Variants in SMCO4 observed in about 807,000 individuals in gnomAD.
SMCO4 encodes the protein single-pass membrane protein with coiled-coil domains 4.
A neutral mutation model predicts 3.6 loss-of-function variants in SMCO4; 4 were observed. The observed-to-expected ratio is 1.11, with a 90% CI of 0.54 to 2.53. SMCO4 has a LOEUF of 2.53. SMCO4 is among the 30% of genes most tolerant of loss of function. The pLI is 0.02. For synonymous variants in SMCO4, 36 were observed against 35.3 expected (o/e 1.02, Z -0.07); for missense variants, 70 against 80.8 (o/e 0.87, Z 0.51).
chr11:93,504,181 A>T (rs1281226814), intron 1 of SMCO4, among the ~76,000 whole-genome samples: 1 of 152,222 alleles, frequency 6.6e-6, no homozygotes. Flanking sequence ...AACTTAATCA[A>T]AGAAGATTAG....
chr11:93,526,612 G>A (rs2198797), intron 1 of SMCO4, among the ~76,000 whole-genome samples: 39,289 of 151,946 alleles, frequency 0.26, 5,321 homozygotes, highest in Non-Finnish European at 0.29. Context: ...CTTCACATCC[G>A]CATCCATCCT....
At chr11:93,488,981 T>C (rs570373330) in intron 2 of SMCO4, among the ~76,000 whole-genome samples, 1 of 152,138 alleles carries the variant, frequency 6.6e-6, no homozygotes, top group Non-Finnish European at 1.5e-5. Flanking sequence ...TCTGGCCACA[T>C]GCAGGTCCTC....
intron 1 of SMCO4, among the ~76,000 whole-genome samples, chr11:93,503,161 T>C (rs1948860905): frequency 6.6e-6 from 1 of 152,162 alleles, no homozygotes; most frequent in African/African-American, 2.4e-5. Flanking sequence ...GATAAAGACA[T>C]ACCTGAGACT....
intron 1 of SMCO4, among the ~76,000 whole-genome samples, chr11:93,519,152 T>C (rs1290862337): frequency 6.6e-6 from 1 of 152,170 alleles, no homozygotes; most frequent in African/African-American, 2.4e-5. Context: ...TATGCCCTTG[T>C]CCTGCATCTG....
At chr11:93,502,247 ACAG>A (rs1688112850) in intron 1 of SMCO4, among the ~76,000 whole-genome samples, 1 of 152,206 alleles carries the variant, frequency 6.6e-6, no homozygotes, top group African/African-American at 2.4e-5. Context: ...ACATTTGAGA[ACAG>A]AAGCAAAACT....
chr11:93,504,953 G>C (rs991841845), intron 1 of SMCO4, among the ~76,000 whole-genome samples: 2 of 152,066 alleles, frequency 1.3e-5, no homozygotes, highest in Non-Finnish European at 2.9e-5. Context: ...CACAGTGTAG[G>C]GTTTGTCTTT....
In SMCO4 at chr11:93,486,723, C is replaced by T. The variant is rs990047470; in HGVS notation, c.-80-7454G>A. On this transcript the variant is annotated intron_variant, in intron 2 of 2. Coordinates refer to ENST00000298966, the MANE Select transcript of SMCO4 (RefSeq NM_020179.3). ...TTGAAGGGGTGCCTGCCGAGAAGAG[C>T]TTGACCAGACCTGGAGTCCATGCTA... 9.2e-5 allele frequency among the ~76,000 whole-genome samples: 14 copies of T among 152,312 alleles called. 2 individuals are homozygous for T. The South Asian group carries it at 2.3e-3, about 25-fold the overall frequency.
rs928542076 is a variant in SMCO4 at position 93,481,349 on chromosome 11, T to C, written c.-80-2080A>G. On this transcript the variant is annotated intron_variant, in intron 2 of 2. Coordinates refer to ENST00000298966, the MANE Select transcript of SMCO4 (RefSeq NM_020179.3). ...GACGCGGTACAGGTGGGCTGAGACA[T>C]CTCCACCCATACCCGTGGGCGGCCC... 7 of 804,840 alleles carry C rather than the reference T, an allele frequency of 8.7e-6. No individual in the cohort carries two copies. In the African/African-American group the frequency reaches 1.3e-4, roughly 15 times the overall value. The allele number at this position is 804,840 out of a possible 1,614,324, so 49.9% of individuals were successfully genotyped here.
chr11:93,531,168 C>T (rs781263945), intron 1 of SMCO4, among the ~76,000 whole-genome samples: 2 of 152,206 alleles, frequency 1.3e-5, no homozygotes, highest in Non-Finnish European at 2.9e-5. Flanking sequence ...TCTGGGTGGA[C>T]TTCATCTAAT....
At chr11:93,534,237 CACACACACACACACACACACACACAA>C (rs1565389915) in intron 1 of SMCO4, among the ~76,000 whole-genome samples, 6 of 8,188 alleles carry the variant, frequency 7.3e-4, no homozygotes, top group Non-Finnish European at 1.6e-3. Context: ...CACACACACA[CACACACACACACACACACACACACAA>C]ACACATATAT....
chr11:93,492,240 T>C (rs1009763428), intron 2 of SMCO4, among the ~76,000 whole-genome samples: 1 of 152,210 alleles, frequency 6.6e-6, no homozygotes, highest in African/African-American at 2.4e-5. Context: ...ATTCATTTAC[T>C]CACTCACCAA....
rs1423638114 is a variant in SMCO4 at position 93,500,695 on chromosome 11, T to C, written c.-153-1347A>G. Reference sequence around the variant, plus strand: ...CTAGTCCCCATTCTCTAAGAGATAATTGCCATTCTGAAAATATGGAAAGTT... The same window carrying C: ...CTAGTCCCCATTCTCTAAGAGATAACTGCCATTCTGAAAATATGGAAAGTT... On this transcript the variant is annotated intron_variant, in intron 1 of 2. Coordinates refer to ENST00000298966, the MANE Select transcript of SMCO4 (RefSeq NM_020179.3). Among the ~76,000 whole-genome samples the C allele has an allele frequency of 2.0e-5, 3 of 152,214 alleles. No homozygotes were observed. The East Asian group carries it at 5.8e-4, about 29-fold the overall frequency.
intron 1 of SMCO4, among the ~76,000 whole-genome samples, chr11:93,540,700 T>A (rs919716116): frequency 6.6e-6 from 1 of 152,186 alleles, no homozygotes; most frequent in African/African-American, 2.4e-5. Flanking sequence ...TGATGCTCAC[T>A]CCTACCTCAC....
At chr11:93,483,639 G>A (rs1026327123) in intron 2 of SMCO4, among the ~76,000 whole-genome samples, 9 of 152,278 alleles carry the variant, frequency 5.9e-5, no homozygotes, top group South Asian at 2.1e-4. Flanking sequence ...GTACTCCGAC[G>A]TGTCTCTGTA....
chr11:93,497,384 C>A (rs1010291042), intron 2 of SMCO4, among the ~76,000 whole-genome samples: 1 of 152,206 alleles, frequency 6.6e-6, no homozygotes, highest in African/African-American at 2.4e-5. Context: ...CAGAGTAAGA[C>A]AATGCAGCAT....
At position 93,514,413 on chromosome 11, in the gene SMCO4, T is replaced by TATATATATATACATACAC. The variant is rs781423008; in HGVS notation, c.-153-15066_-153-15065insGTGTATGTATATATATAT. Among the ~76,000 whole-genome samples, 12 of 33,950 alleles carry TATATATATATACATACAC rather than the reference T, an allele frequency of 3.5e-4. 2 individuals carry two copies. The highest frequency in any genetic ancestry group is 7.1e-4 in the Non-Finnish European group (10 of 14,062). 22.3% of individuals were successfully genotyped at this position (33,950 alleles called of 152,430 possible). On this transcript the variant is annotated intron_variant, in intron 1 of 2. Transcript: ENST00000298966. ...ATATATATATATATATATATATATA[T>TATATATATATACATACAC]ATATATATAAAATTTGGTCTCTTCC...
intron 1 of SMCO4, among the ~76,000 whole-genome samples, chr11:93,512,584 T>C (rs1341151994): frequency 6.6e-6 from 1 of 152,240 alleles, no homozygotes; most frequent in Non-Finnish European, 1.5e-5. Context: ...ACACAAATGC[T>C]TACCATTGTG....
chr11:93,524,536 G>C (rs1304369947), intron 1 of SMCO4, among the ~76,000 whole-genome samples: 1 of 152,068 alleles, frequency 6.6e-6, no homozygotes, highest in Admixed American at 6.5e-5. Context: ...GGGAGCACTG[G>C]ACAAGACTTT....
In SMCO4 at chr11:93,486,580, A is replaced by G. The variant is rs192958785; in HGVS notation, c.-80-7311T>C. ...TAAAAGATGCACCACATCCCGCTTG[A>G]GTTTTCAGTGTGGGCCAGGCTGCTC... On this transcript the variant is annotated intron_variant, in intron 2 of 2. Coordinates refer to ENST00000298966, the MANE Select transcript of SMCO4 (RefSeq NM_020179.3). Among the ~76,000 whole-genome samples, 412 of 152,234 alleles carry G rather than the reference A, an allele frequency of 2.7e-3. 4 individuals carry two copies. Among genetic ancestry groups the G allele is most frequent in the African/African-American group, 9.3e-3 (387 of 41,542 alleles).
Sources: allele counts gnomAD v4.1 joint callset (sites outside exome capture counted in the v4.1 genomes callset), GRCh38; gene constraint gnomAD v4.1.1; transcripts MANE v1.5; gene names NCBI Gene and HGNC (gene_info 2026-07-23, HGNC 2026-07-21).